Variants in PHLPP2 observed in about 807,000 individuals in gnomAD.
PHLPP2 encodes the protein PH domain leucine-rich repeat-containing protein phosphatase 2.
Under a neutral mutation model 124.9 loss-of-function variants are expected in PHLPP2, and 66 were observed. The ratio of observed to expected loss-of-function variants is 0.53; its 90% CI spans 0.43 to 0.65. The LOEUF (loss-of-function observed/expected upper bound fraction) is 0.65. Among genes scored for constraint, PHLPP2 ranks in the 30% least tolerant of loss-of-function variants. The probability of loss-of-function intolerance (pLI) is 0.00; values close to 1 mark genes in which losing one functional copy is unlikely to be tolerated. For missense variants in PHLPP2, 1,685 were observed against 1,600.4 expected (o/e 1.05, Z -0.90); for synonymous variants, 681 against 624.7 (o/e 1.09, Z -1.34).
chr16:71,723,804 C>T, intron 1 of PHLPP2: 1 of 1,292,874 alleles, frequency 7.7e-7, no homozygotes, highest in Non-Finnish European at 9.8e-7. Context: ...CGGCGGCTCG[C>T]GGGCGCTTCG....
intron 12 of PHLPP2, chr16:71,666,059 T>C (rs902699190): frequency 2.0e-5 from 3 of 152,146 alleles, no homozygotes; most frequent in African/African-American, 7.2e-5. Context: ...TTTCTCCACG[T>C]TGTAGAAAAA....
At chr16:71,693,919 G>A (rs1430834338) in intron 3 of PHLPP2, among the ~76,000 whole-genome samples, 1 of 152,162 alleles carries the variant, frequency 6.6e-6, no homozygotes, top group Non-Finnish European at 1.5e-5. Context: ...CTGGCCAGGT[G>A]TAGTGGCTTA....
At position 71,691,230 on chromosome 16, in the gene PHLPP2, A is replaced by G. The variant is rs1296795444; in HGVS notation, c.419-521T>C. Among the ~76,000 whole-genome samples, 3 of 152,280 alleles carry G rather than the reference A, an allele frequency of 2.0e-5. No homozygotes were observed. In the East Asian group the frequency reaches 5.8e-4, roughly 29 times the overall value. ...GCACTTTGGGGGGGCCAAGGCGGGC[A>G]TATCACAAGGTCAGGAGATCGAGAC... On this transcript the variant is annotated intron_variant, in intron 3 of 18. Coordinates refer to ENST00000568954, the MANE Select transcript of PHLPP2 (RefSeq NM_015020.3).
At chr16:71,697,192 A>G (rs2045180203) in intron 3 of PHLPP2, among the ~76,000 whole-genome samples, 1 of 40,110 alleles carries the variant, frequency 2.5e-5, no homozygotes. Flanking sequence ...ATAAATAAAT[A>G]AATAAATAAA....
intron 1 of PHLPP2, chr16:71,723,734 CG>C: frequency 9.7e-7 from 1 of 1,029,748 alleles, no homozygotes. Flanking sequence ...CCCGCTCGCC[CG>C]CTCGCTCGCT....
At chr16:71,679,848 C>T (rs781683175) in intron 6 of PHLPP2, among the ~76,000 whole-genome samples, 3 of 152,004 alleles carry the variant, frequency 2.0e-5, no homozygotes, top group Non-Finnish European at 4.4e-5. Context: ...TTTGGAAGGC[C>T]GAGGCAGGTG....
At chr16:71,670,598 A>C (rs2044882600) in intron 10 of PHLPP2, among the ~76,000 whole-genome samples, 1 of 148,458 alleles carries the variant, frequency 6.7e-6, no homozygotes, top group Non-Finnish European at 1.5e-5. Context: ...GGAAGAAAGG[A>C]ATTAAGAAAA....
intron 9 of PHLPP2, among the ~76,000 whole-genome samples, chr16:71,674,176 C>G (rs1016732935): frequency 6.6e-6 from 1 of 151,332 alleles, no homozygotes; most frequent in Admixed American, 6.6e-5. Flanking sequence ...CTCCGGGGTT[C>G]AAGCAATTCT....
At chr16:71,661,092 G>A (rs1317316697) in intron 13 of PHLPP2, among the ~76,000 whole-genome samples, 2 of 146,608 alleles carry the variant, frequency 1.4e-5, no homozygotes, top group East Asian at 2.0e-4. Flanking sequence ...TTTGAGATAG[G>A]GTCCCGCTCT....
chr16:71,692,927 T>C (rs2045129877), intron 3 of PHLPP2, among the ~76,000 whole-genome samples: 1 of 152,180 alleles, frequency 6.6e-6, no homozygotes, highest in Non-Finnish European at 1.5e-5. Flanking sequence ...CAGATCTATA[T>C]TCCTAAGTTC....
rs1389392189 is a variant in PHLPP2 at position 71,649,478 on chromosome 16, C to T, written c.3384G>A (p.Leu1128=). 1.2e-6 allele frequency: 2 copies of T among 1,614,004 alleles called. No individual in the cohort carries two copies. The highest frequency in any genetic ancestry group is 1.7e-6 in the Non-Finnish European group (2 of 1,180,030). ...CSLHPTPTSG[L]FQRQPSSATF... ...TAGCAGAAGAAGGCTGGCGCTGAAA[C>T]AGCCCAGAGGTGGGTGTTGGGTGGA... Residue 1128 remains leucine, a synonymous_variant, in exon 19 of 19, where the codon CTG becomes CTA. Transcript: ENST00000568954.
intron 2 of PHLPP2, among the ~76,000 whole-genome samples, chr16:71,707,499 C>G (rs976593917): frequency 6.6e-6 from 1 of 152,176 alleles, no homozygotes; most frequent in Non-Finnish European, 1.5e-5. Context: ...CTGAGCCACC[C>G]TGACCTGGGT....
chr16:71,651,206 C>T (rs199812843), intron 18 of PHLPP2, among the ~76,000 whole-genome samples: 4 of 152,016 alleles, frequency 2.6e-5, no homozygotes, highest in Admixed American at 6.6e-5. Context: ...GGTATAGTGG[C>T]GCATGCCTAT....
chr16:71,682,857 A>T (rs907344930), intron 5 of PHLPP2, among the ~76,000 whole-genome samples: 1 of 152,170 alleles, frequency 6.6e-6, no homozygotes, highest in Non-Finnish European at 1.5e-5. Context: ...TGATCTAAAA[A>T]AAGAAACAAT....
Position 71,648,722 on chromosome 16 carries a change from G to A in PHLPP2, c.*168C>T. On this transcript the variant is annotated 3_prime_UTR_variant, in exon 19 of 19. Transcript: ENST00000568954. Reference sequence around the variant, plus strand: ...AGGGACAGAGGCTGCAGTGACCCGAGACCCCACCATTGCACTCCAGCCTGA... The same window carrying A: ...AGGGACAGAGGCTGCAGTGACCCGAAACCCCACCATTGCACTCCAGCCTGA... 4.9e-6 allele frequency: 3 copies of A among 606,380 alleles called. No individual in the cohort carries two copies. Among genetic ancestry groups the A allele is most frequent in the Non-Finnish European group, 8.7e-6 (3 of 344,456 alleles). 37.6% of individuals were successfully genotyped at this position (606,380 alleles called of 1,614,324 possible).
intron 2 of PHLPP2, among the ~76,000 whole-genome samples, chr16:71,704,323 A>AAC (rs1395367619): frequency 1.3e-5 from 2 of 151,110 alleles, no homozygotes; most frequent in East Asian, 1.9e-4. Context: ...AAAAAAAAAA[A>AAC]AACTTAATAA....
intron 2 of PHLPP2, among the ~76,000 whole-genome samples, chr16:71,703,558 A>G (rs1423609332): frequency 6.6e-6 from 1 of 152,234 alleles, no homozygotes; most frequent in Non-Finnish European, 1.5e-5. Context: ...TATAATAGTC[A>G]TAATAGCAAG....
At chr16:71,664,790 C>T (rs2044824318) in intron 12 of PHLPP2, among the ~76,000 whole-genome samples, 1 of 152,042 alleles carries the variant, frequency 6.6e-6, no homozygotes, top group Non-Finnish European at 1.5e-5. Flanking sequence ...GTTTTAATAG[C>T]ATCATTATGT....
chr16:71,657,383 T>A (rs1030706872), intron 15 of PHLPP2, among the ~76,000 whole-genome samples: 3 of 148,876 alleles, frequency 2.0e-5, no homozygotes, highest in Non-Finnish European at 3.0e-5. Flanking sequence ...CGGCCAACAA[T>A]AATATTATCT....
Sources: gnomAD v4.1 joint callset for allele counts (sites outside exome capture counted in the v4.1 genomes callset) on GRCh38, gnomAD v4.1.1 for gene constraint, MANE v1.5 for transcripts, NCBI Gene and HGNC (gene_info 2026-07-23, HGNC 2026-07-21) for gene names.